The following FCER1A variants were observed in gnomAD, a reference collection of about 807,000 sequenced individuals.
FCER1A encodes Fc epsilon receptor Ia, also known as high affinity immunoglobulin epsilon receptor subunit alpha.
A neutral mutation model predicts 23.6 loss-of-function variants in FCER1A; 24 were observed. That is an observed-to-expected ratio of 1.02 (90% CI 0.74 to 1.43). The LOEUF (loss-of-function observed/expected upper bound fraction) is 1.43. FCER1A is among the 40% of genes most tolerant of loss of function. The pLI, the probability that FCER1A is intolerant of heterozygous loss-of-function variation, is 0.00. For missense variants in FCER1A, 318 were observed against 294.5 expected (o/e 1.08, Z -0.58); for synonymous variants, 121 against 108.8 (o/e 1.11, Z -0.70).
chr1:159,302,487 AC>A, intron 1 of FCER1A, 68 bp downstream of exon 1: 1 of 1,093,756 alleles, frequency 9.1e-7, no homozygotes, highest in Non-Finnish European at 1.4e-6. Context: ...TGGGGTAGGA[AC>A]CTTTACTGTG....
At chr1:159,296,653 A>C (rs2102221886) in intron 1 of FCER1A, among the ~76,000 whole-genome samples, 1 of 152,324 alleles carries the variant, frequency 6.6e-6, no homozygotes, top group African/African-American at 2.4e-5. Flanking sequence ...CACATTGAAA[A>C]GATGTGCAGA....
upstream of FCER1A, among the ~76,000 whole-genome samples, chr1:159,302,147 G>A (rs1450644846): frequency 6.6e-6 from 1 of 152,208 alleles, no homozygotes; most frequent in Non-Finnish European, 1.5e-5. Context: ...TGTATATGTG[G>A]AGGTGGGATA....
upstream of FCER1A, chr1:159,302,334 G>T: frequency 6.5e-7 from 1 of 1,532,832 alleles, no homozygotes; most frequent in Non-Finnish European, 9.0e-7. Context: ...GATCTCTCCA[G>T]CACAGTAAGC....
At chr1:159,301,547 G>A (rs867316968), upstream of FCER1A, among the ~76,000 whole-genome samples, 5 of 152,166 alleles carry the variant, frequency 3.3e-5, no homozygotes, top group African/African-American at 1.2e-4. Context: ...CCTGTGTTCT[G>A]AGCCAGATTA....
At chr1:159,287,982 T>C (rs983337878), upstream of FCER1A, among the ~76,000 whole-genome samples, 2 of 152,010 alleles carry the variant, frequency 1.3e-5, no homozygotes, top group African/African-American at 2.4e-5. Flanking sequence ...ACTAATATAG[T>C]CATTGACTTC....
rs768281281 is a variant in FCER1A at position 159,302,337 on chromosome 1, C to T, written c.-28C>T. 1 of 1,546,512 alleles carries T rather than the reference C, an allele frequency of 6.5e-7. No homozygotes were observed. The highest frequency in any genetic ancestry group is 8.9e-7 in the Non-Finnish European group (1 of 1,118,388). ...TTTGAAGCCTTAGATCTCTCCAGCA[C>T]AGTAAGCACCAGGAGTCCATGAAGA... On this transcript the variant is annotated 5_prime_UTR_variant, in exon 1 of 5. Coordinates refer to ENST00000693622, the MANE Select transcript of FCER1A (RefSeq NM_001387280.1).
chr1:159,294,727 A>G (rs1652251266), intron 1 of FCER1A, among the ~76,000 whole-genome samples: 1 of 152,338 alleles, frequency 6.6e-6, no homozygotes, highest in East Asian at 1.9e-4. Context: ...GAATGTTCCT[A>G]TGCTGAAACT....
chr1:159,294,777 A>T (rs1445697116), intron 1 of FCER1A, among the ~76,000 whole-genome samples: 1 of 152,226 alleles, frequency 6.6e-6, no homozygotes, highest in Non-Finnish European at 1.5e-5. Flanking sequence ...AGATCAAGTA[A>T]CAGGTCTGTA....
intron 1 of FCER1A, among the ~76,000 whole-genome samples, chr1:159,296,134 A>G (rs773371178): frequency 1.4e-4 from 22 of 152,224 alleles, no homozygotes; most frequent in Non-Finnish European, 2.8e-4. Context: ...GTATATTTTT[A>G]ACCTTTTGTG....
At chr1:159,297,643 A>G (rs1652327094), upstream of FCER1A, among the ~76,000 whole-genome samples, 1 of 152,140 alleles carries the variant, frequency 6.6e-6, no homozygotes, top group East Asian at 1.9e-4. Context: ...GCTTGTTCCT[A>G]GCCTGAACTC....
chr1:159,302,777 C>A, intron 1 of FCER1A, 77 bp from the exon 2 acceptor site: 1 of 1,304,824 alleles, frequency 7.7e-7, no homozygotes, highest in Non-Finnish European at 1.1e-6. Context: ...TAGATCTTAT[C>A]CCCACACCCA....
At chr1:159,305,862 G>T in intron 3 of FCER1A, 126 bp from the exon 4 acceptor site, 1 of 829,280 alleles carries the variant, frequency 1.2e-6, no homozygotes. Context: ...CACTTTATGA[G>T]CCAAAAAGTG....
At chr1:159,305,754 G>A (rs973969090) in intron 3 of FCER1A, among the ~76,000 whole-genome samples, 4 of 152,130 alleles carry the variant, frequency 2.6e-5, no homozygotes, top group Admixed American at 2.0e-4. Flanking sequence ...AGGGAGGTCC[G>A]AGAGGCTTTG....
intron 1 of FCER1A, 122 bp downstream of exon 1, chr1:159,302,541 T>A: frequency 1.3e-6 from 1 of 794,514 alleles, no homozygotes; most frequent in South Asian, 1.4e-5. Flanking sequence ...ATTGGGCATT[T>A]CCCAGGGACT....
chr1:159,307,725 A>G (rs754345322), intron 4 of FCER1A, 23 bp from the exon 5 acceptor site: 8 of 1,541,158 alleles, frequency 5.2e-6, no homozygotes, highest in African/African-American at 1.4e-5. Context: ...TATGTTTCTC[A>G]TTGCATCTGT....
At chr1:159,306,635 G>GAAAGGATAT (rs1652625458) in intron 4 of FCER1A, among the ~76,000 whole-genome samples, 1 of 152,148 alleles carries the variant, frequency 6.6e-6, no homozygotes, top group Admixed American at 6.5e-5. Context: ...GTTGAATGAA[G>GAAAGGATAT]AAAGGATATA....
intron 2 of FCER1A, among the ~76,000 whole-genome samples, chr1:159,303,488 A>G (rs1338853989): frequency 6.6e-6 from 1 of 152,212 alleles, no homozygotes; most frequent in Non-Finnish European, 1.5e-5. Flanking sequence ...GAGAAACCTT[A>G]TATTTCATCC....
Position 159,306,144 on chromosome 1 carries a change from TTA to T in FCER1A, c.489_490del (p.Thr164LysfsTer5). On this transcript the variant is annotated frameshift_variant, in exon 4 of 5. Coordinates refer to ENST00000693622, the MANE Select transcript of FCER1A (RefSeq NM_001387280.1). LOFTEE classifies it high-confidence loss of function. ...TGGTATGAGAACCACAACATCTCCA[TTA>T]CAAATGCCACAGTTGAAGACAGTGG... 6.2e-7 allele frequency: 1 copy of T among 1,614,008 alleles called. No individual in the cohort carries two copies. The highest frequency in any genetic ancestry group is 1.7e-5 in the Admixed American group (1 of 59,992).
intron 1 of FCER1A, among the ~76,000 whole-genome samples, chr1:159,290,408 A>T (rs922573617): frequency 6.6e-6 from 1 of 151,954 alleles, no homozygotes; most frequent in Non-Finnish European, 1.5e-5. Flanking sequence ...CAGATTCTCC[A>T]TCAGTACCCT....
Sources: allele counts gnomAD v4.1 joint callset (sites outside exome capture counted in the v4.1 genomes callset), GRCh38; gene constraint gnomAD v4.1.1; transcripts MANE v1.5; gene names NCBI Gene and HGNC (gene_info 2026-07-23, HGNC 2026-07-21).